AGBL1: variants seen among roughly 807,000 people sequenced by gnomAD.
AGBL1 encodes AGBL carboxypeptidase 1.
Under a neutral mutation model 118.9 loss-of-function variants are expected in AGBL1, and 130 were observed. The ratio of observed to expected loss-of-function variants is 1.09; its 90% CI spans 0.95 to 1.26. AGBL1 has a LOEUF of 1.26. Ranked by LOEUF, AGBL1 falls within the 50% of genes most tolerant of loss-of-function variation. The probability of loss-of-function intolerance (pLI) is 0.00; values close to 1 mark genes in which losing one functional copy is unlikely to be tolerated. For missense variants in AGBL1, 1,584 were observed against 1,298.1 expected (o/e 1.22, Z -3.38); for synonymous variants, 555 against 478.9 (o/e 1.16, Z -2.08).
At chr15:86,810,048 A>G (rs1253529709) in intron 22 of AGBL1, among the ~76,000 whole-genome samples, 1 of 152,212 alleles carries the variant, frequency 6.6e-6, no homozygotes, top group Non-Finnish European at 1.5e-5. Flanking sequence ...TGGGTTCACT[A>G]CAACTTAAAG....
At chr15:86,901,485 A>C (rs2141581382) in intron 22 of AGBL1, among the ~76,000 whole-genome samples, 1 of 152,190 alleles carries the variant, frequency 6.6e-6, no homozygotes, top group African/African-American at 2.4e-5. Flanking sequence ...TGGTGTCTTC[A>C]TTTCCAACTT....
intron 22 of AGBL1, among the ~76,000 whole-genome samples, chr15:86,872,698 G>T (rs2079746946): frequency 6.6e-6 from 1 of 152,234 alleles, no homozygotes. Context: ...AGAGGTTACA[G>T]TGAGCTGAGA....
chr15:86,441,412 A>G (rs545381652), intron 18 of AGBL1, among the ~76,000 whole-genome samples: 86 of 152,380 alleles, frequency 5.6e-4, no homozygotes, highest in African/African-American at 2.0e-3. Context: ...CTCAAACAAA[A>G]TGTACCACCT....
chr15:86,744,640 G>A (rs1485310994), intron 22 of AGBL1, among the ~76,000 whole-genome samples: 1 of 152,076 alleles, frequency 6.6e-6, no homozygotes, highest in African/African-American at 2.4e-5. Context: ...CCCCAGAGGG[G>A]GGGAGGAGTT....
intron 21 of AGBL1, among the ~76,000 whole-genome samples, chr15:86,599,933 A>C (rs961803458): frequency 1.3e-5 from 2 of 151,862 alleles, no homozygotes; most frequent in African/African-American, 2.4e-5. Context: ...AATAATAAAA[A>C]CCCCCATATT....
chr15:86,798,158 C>T (rs560243725), intron 22 of AGBL1, among the ~76,000 whole-genome samples: 63 of 152,254 alleles, frequency 4.1e-4, no homozygotes, highest in African/African-American at 1.5e-3. Context: ...TCAATATCTA[C>T]AGGAAAACAG....
At position 86,875,554 on chromosome 15, in the gene AGBL1, C is replaced by A. The variant is rs562796406; in HGVS notation, c.3159-31533C>A. ...GGTCTGTTTTATTAATGCTTACTGG[C>A]CTACAGCTATAGCCATAATATTAAA... On this transcript the variant is annotated intron_variant, in intron 22 of 22. Transcript: ENST00000614907. 2.0e-5 allele frequency among the ~76,000 whole-genome samples: 3 copies of A among 152,304 alleles called. No homozygotes were observed. In the East Asian group the frequency reaches 5.8e-4, roughly 29 times the overall value.
chr15:86,124,698 C>T (rs1898310146), intron 1 of AGBL1, among the ~76,000 whole-genome samples: 1 of 152,098 alleles, frequency 6.6e-6, no homozygotes, highest in Non-Finnish European at 1.5e-5. Context: ...TGATTGTTGG[C>T]TCAAACACCA....
chr15:86,259,050 A>T (rs952931947), intron 9 of AGBL1, among the ~76,000 whole-genome samples: 1 of 152,284 alleles, frequency 6.6e-6, no homozygotes, highest in East Asian at 1.9e-4. Flanking sequence ...GATATAGTTT[A>T]CTGACTGTTT....
chr15:86,895,397 GT>G (rs552572051), intron 22 of AGBL1, among the ~76,000 whole-genome samples: 170 of 142,588 alleles, frequency 1.2e-3, no homozygotes, highest in African/African-American at 1.9e-3. Flanking sequence ...GACATGTTTA[GT>G]TTTTTTTTTT....
chr15:86,634,274 G>T (rs943515439), intron 21 of AGBL1, among the ~76,000 whole-genome samples: 2 of 152,158 alleles, frequency 1.3e-5, no homozygotes, highest in African/African-American at 4.8e-5. Context: ...GGTATTTATA[G>T]CAGCGCTATT....
intron 13 of AGBL1, among the ~76,000 whole-genome samples, chr15:86,267,732 C>A (rs981982966): frequency 6.6e-6 from 1 of 152,092 alleles, no homozygotes. Context: ...CAGAAGAGAC[C>A]GCGGTTCTCA....
intron 22 of AGBL1, among the ~76,000 whole-genome samples, chr15:86,797,415 C>G (rs747340459): frequency 6.6e-6 from 1 of 152,184 alleles, no homozygotes; most frequent in African/African-American, 2.4e-5. Context: ...AGCAGAACCC[C>G]CTCTTATTTC....
At position 86,841,538 on chromosome 15, in the gene AGBL1, A is replaced by G. The variant is rs191997996; in HGVS notation, c.3159-65549A>G. 6.6e-5 allele frequency among the ~76,000 whole-genome samples: 10 copies of G among 152,240 alleles called. No homozygotes were observed. The East Asian group carries it at 1.2e-3, about 18-fold the overall frequency. On this transcript the variant is annotated intron_variant, in intron 22 of 22. Coordinates refer to ENST00000614907, the MANE Select transcript of AGBL1 (RefSeq NM_001386094.1). ...TGGCATTCCCAACACACATCTCACGATTTGAGCTCTAGAGTCAGAAAAGTT... is the reference window on the plus strand; with the variant it reads ...TGGCATTCCCAACACACATCTCACGGTTTGAGCTCTAGAGTCAGAAAAGTT...
intron 21 of AGBL1, among the ~76,000 whole-genome samples, chr15:86,601,646 A>G (rs1456584447): frequency 6.6e-6 from 1 of 152,212 alleles, no homozygotes; most frequent in Non-Finnish European, 1.5e-5. Flanking sequence ...AGAAGAAGGC[A>G]CAAGTGGTGA....
At chr15:86,621,750 C>G (rs1413313796) in intron 21 of AGBL1, among the ~76,000 whole-genome samples, 1 of 152,160 alleles carries the variant, frequency 6.6e-6, no homozygotes, top group Non-Finnish European at 1.5e-5. Flanking sequence ...GTTATTTATT[C>G]TCTCTCACAC....
chr15:86,731,909 G>A (rs905625039), intron 22 of AGBL1, among the ~76,000 whole-genome samples: 1 of 152,194 alleles, frequency 6.6e-6, no homozygotes, highest in Non-Finnish European at 1.5e-5. Context: ...TAAAAACTCA[G>A]TTCTTTAAGG....
At chr15:86,108,913 C>A (rs890420000) in intron 1 of AGBL1, among the ~76,000 whole-genome samples, 1 of 152,100 alleles carries the variant, frequency 6.6e-6, no homozygotes, top group Non-Finnish European at 1.5e-5. Flanking sequence ...GCCAAGATCG[C>A]GCCACTGCTC....
At chr15:86,652,035 G>A (rs2085380153) in intron 21 of AGBL1, among the ~76,000 whole-genome samples, 1 of 152,114 alleles carries the variant, frequency 6.6e-6, no homozygotes, top group African/African-American at 2.4e-5. Flanking sequence ...TCCATTGTCT[G>A]AGATTGTTTA....
Sources: allele counts gnomAD v4.1 joint callset (sites outside exome capture counted in the v4.1 genomes callset), GRCh38; gene constraint gnomAD v4.1.1; transcripts MANE v1.5; gene names NCBI Gene and HGNC (gene_info 2026-07-23, HGNC 2026-07-21).